Variants in MINDY1 observed in about 807,000 individuals in gnomAD.
MINDY1 encodes the protein MINDY lysine 48 deubiquitinase 1.
Under a neutral mutation model 53.6 loss-of-function variants are expected in MINDY1, and 50 were observed. That is an observed-to-expected ratio of 0.93 (90% confidence interval 0.74 to 1.18). The LOEUF is 1.18. Among genes scored for constraint, MINDY1 ranks in the 50% most tolerant of loss-of-function variants. MINDY1 has a pLI of 0.00. For synonymous variants in MINDY1, 231 were observed against 234.7 expected (o/e 0.98, Z 0.14); for missense variants, 484 against 578.6 (o/e 0.84, Z 1.68).
At chr1:150,997,832 C>T (rs1672018543) in intron 8 of MINDY1, 53 bp from the exon 9 acceptor site, 4 of 1,549,942 alleles carry the variant, frequency 2.6e-6, no homozygotes, top group Non-Finnish European at 1.7e-6. Context: ...CGTGGCTATT[C>T]AGGCAAGGTT....
chr1:151,008,357 C>A, upstream of MINDY1: 2 of 1,302,204 alleles, frequency 1.5e-6, no homozygotes, highest in Non-Finnish European at 1.0e-6. Flanking sequence ...ACGCCACGCC[C>A]CCTTGGCCTC....
chr1:151,007,396 C>A (rs1227373795), upstream of MINDY1, among the ~76,000 whole-genome samples: 3 of 152,040 alleles, frequency 2.0e-5, no homozygotes, highest in Non-Finnish European at 2.9e-5. Flanking sequence ...CCCAGCTACT[C>A]GGGAGGCTGA....
intron 1 of MINDY1, 169 bp downstream of exon 1, chr1:151,006,143 G>A (rs1219230534): frequency 2.6e-6 from 4 of 1,551,524 alleles, no homozygotes; most frequent in Non-Finnish European, 2.6e-6. Context: ...AAAGGAGGAG[G>A]ACCAAGCAGC....
intron 5 of MINDY1, 46 bp downstream of exon 5, chr1:151,000,411 G>A: frequency 1.3e-6 from 2 of 1,531,160 alleles, no homozygotes. Context: ...CCTCTCTCAT[G>A]TCAGCTTGAG....
At position 151,000,483 on chromosome 1, in the gene MINDY1, A is replaced by T. The variant is rs140386498; in HGVS notation, c.709T>A (p.Tyr237Asn). 0.011 allele frequency: 17,275 copies of T among 1,612,896 alleles called. 136 individuals are homozygous for T. Among genetic ancestry groups the T allele is most frequent in the Non-Finnish European group, 0.012 (14,547 of 1,179,542 alleles). ...SVFDLLGIPL[Y>N]HGWLVDPQSP... ...TGTGGATCAACAAGCCAGCCATGGT[A>T]CAGAGGTATGCCTAGCAGGTCAAAG... is the stretch of plus-strand genomic sequence containing the variant. The change falls in exon 5 of 10, where the codon TAC (tyrosine) becomes AAC (asparagine). Residue 237 changes from tyrosine (Y) to asparagine (N), a missense_variant. Coordinates refer to ENST00000683666, the MANE Select transcript of MINDY1 (RefSeq NM_001376665.1).
intron 1 of MINDY1, 151 bp downstream of exon 1, chr1:151,006,161 T>G: frequency 1.9e-6 from 3 of 1,551,652 alleles, no homozygotes; most frequent in Middle Eastern, 1.7e-4. Flanking sequence ...AGCATCCCCT[T>G]TACATGTCTC....
intron 1 of MINDY1, among the ~76,000 whole-genome samples, chr1:151,005,308 C>T (rs770094420): frequency 7.2e-5 from 11 of 151,880 alleles, no homozygotes; most frequent in Middle Eastern, 3.2e-3. Flanking sequence ...AAAAATTAGC[C>T]GGGCACGGTG....
In MINDY1 at chr1:150,997,596, G is replaced by A. The variant is rs376405297; in HGVS notation, c.1329+28C>T. ...CGGCAAAGCATGAGGTGGAAACCGGGAGTGTGGGCGCCCAGGCAGCAGCCC... is the reference window on the plus strand; with the variant it reads ...CGGCAAAGCATGAGGTGGAAACCGGAAGTGTGGGCGCCCAGGCAGCAGCCC... On this transcript the variant is annotated intron_variant, in intron 9 of 9. Coordinates refer to ENST00000683666, the MANE Select transcript of MINDY1 (RefSeq NM_001376665.1). 14 of 1,604,074 alleles carry A rather than the reference G, an allele frequency of 8.7e-6. No homozygotes were observed. The Middle Eastern group carries it at 4.9e-4, about 57-fold the overall frequency.
In MINDY1 at chr1:151,001,754, A is replaced by G. The variant is rs1344191133; in HGVS notation, c.482T>C (p.Ile161Thr). 1.2e-6 allele frequency: 2 copies of G among 1,602,956 alleles called. No individual in the cohort carries two copies. Among genetic ancestry groups the G allele is most frequent in the East Asian group, 2.3e-5 (1 of 44,020 alleles). Residue 161 changes from isoleucine to threonine, a missense_variant, in exon 3 of 10, where the codon ATC becomes ACC. Coordinates refer to ENST00000683666, the MANE Select transcript of MINDY1 (RefSeq NM_001376665.1). Reference protein sequence around the residue: ...KVKLPPQKEVITSDELMAHLG... With the variant: ...KVKLPPQKEVTTSDELMAHLG... Reference sequence around the variant, plus strand: ...ATGGGCCATGAGCTCATCCGATGTGATCACTTCCTTCTGCGGGGGGAGCTT... The same window carrying G: ...ATGGGCCATGAGCTCATCCGATGTGGTCACTTCCTTCTGCGGGGGGAGCTT...
chr1:151,001,887 A>G (rs1414579311), intron 2 of MINDY1, 105 bp from the exon 3 acceptor site: 28 of 1,259,930 alleles, frequency 2.2e-5, no homozygotes, highest in Non-Finnish European at 3.0e-5. Flanking sequence ...GTGGGGTAGG[A>G]AAAAAGGCTT....
At chr1:151,001,438 A>G in intron 3 of MINDY1, 124 bp from the exon 4 acceptor site, 2 of 1,141,312 alleles carry the variant, frequency 1.8e-6, no homozygotes, top group Non-Finnish European at 2.6e-6. Flanking sequence ...AAATACTTAG[A>G]GTCTAATCCA....
chr1:151,008,181 G>A (rs756655777), upstream of MINDY1: 6 of 1,007,658 alleles, frequency 6.0e-6, no homozygotes, highest in Non-Finnish European at 7.3e-6. Flanking sequence ...ATGTAAAGAT[G>A]TTATACTTGG....
chr1:150,999,991 C>A lies in MINDY1; in HGVS notation c.736-27G>T, dbSNP rs1332125387. The A allele has an allele frequency of 1.3e-6, 2 of 1,567,822 alleles. No individual in the cohort carries two copies. Among genetic ancestry groups the A allele is most frequent in the Admixed American group, 1.7e-5 (1 of 57,574 alleles). ...TGCTTGGGTAGTGGGATGTGGGATA[C>A]CAAAAAAATTGGGATTTTTTTTTCT... is the stretch of plus-strand genomic sequence containing the variant. On this transcript the variant is annotated intron_variant, in intron 5 of 9. Transcript: ENST00000683666. This position sits in a 1 kb window ranked among gnomAD's most constrained non-coding sequence, Gnocchi z 4.4.
Position 151,001,796 on chromosome 1 carries a change from G to C in MINDY1, c.454-14C>G. ...GGGGAGCTTCACCTGGAGGCAGAAG[G>C]GGTGATCACGTGTGTGCTTTCCTCC... On this transcript the variant is annotated splice_polypyrimidine_tract_variant and intron_variant, in intron 2 of 9. Transcript: ENST00000683666. 6.3e-7 allele frequency: 1 copy of C among 1,587,300 alleles called. No homozygotes were observed. The highest frequency in any genetic ancestry group is 8.5e-7 in the Non-Finnish European group (1 of 1,172,314).
intron 1 of MINDY1, 198 bp downstream of exon 1, chr1:151,006,114 A>T: frequency 6.4e-7 from 1 of 1,551,648 alleles, no homozygotes; most frequent in Non-Finnish European, 8.7e-7. Flanking sequence ...GAGAGGGGGA[A>T]GGTTTCGTGC....
At chr1:150,997,907 C>T in intron 8 of MINDY1, 128 bp from the exon 9 acceptor site, 1 of 1,177,814 alleles carries the variant, frequency 8.5e-7, no homozygotes, top group African/African-American at 1.5e-5. Context: ...GCAGCACACA[C>T]AGCCAAATGC....
intron 2 of MINDY1, 104 bp from the exon 3 acceptor site, chr1:151,001,886 G>GA: frequency 7.8e-7 from 1 of 1,280,102 alleles, no homozygotes; most frequent in Non-Finnish European, 1.1e-6. Context: ...GGTGGGGTAG[G>GA]AAAAAAGGCT....
intron 9 of MINDY1, 111 bp downstream of exon 9, chr1:150,997,513 G>A (rs1414042302): frequency 8.9e-6 from 14 of 1,574,280 alleles, no homozygotes; most frequent in Non-Finnish European, 9.5e-6. Flanking sequence ...GCAGGGGAAG[G>A]ACTCTGAGAG....
At chr1:151,004,731 AAAAATAAAAT>A (rs139261422) in intron 1 of MINDY1, among the ~76,000 whole-genome samples, 26,124 of 136,268 alleles carry the variant, frequency 0.19, 2,958 homozygotes, top group South Asian at 0.38. Context: ...ACTCCATCTC[AAAAATAAAAT>A]AAAATAAAAT....
Sources: allele counts gnomAD v4.1 joint callset (sites outside exome capture counted in the v4.1 genomes callset), GRCh38; gene constraint gnomAD v4.1.1; non-coding constraint Gnocchi (gnomAD v3.1); transcripts MANE v1.5; gene names NCBI Gene and HGNC (gene_info 2026-07-23, HGNC 2026-07-21).